SGK1: variants seen among roughly 807,000 people sequenced by gnomAD.
The protein encoded by SGK1 is serum/glucocorticoid regulated kinase 1.
Under a neutral mutation model 64.2 loss-of-function variants are expected in SGK1, and 26 were observed. The observed-to-expected ratio is 0.40, with a 90% CI of 0.30 to 0.56. The LOEUF is 0.56. SGK1 is among the 20% of genes least tolerant of loss of function. The pLI, the probability that SGK1 is intolerant of heterozygous loss-of-function variation, is 0.38. For synonymous variants in SGK1, 265 were observed against 239.7 expected (o/e 1.11, Z -0.98); for missense variants, 519 against 645.6 (o/e 0.80, Z 2.12).
chr6:134,254,471 G>A (rs990348906), intron 2 of SGK1, among the ~76,000 whole-genome samples: 1 of 152,200 alleles, frequency 6.6e-6, no homozygotes, highest in Non-Finnish European at 1.5e-5. Flanking sequence ...TCAATAGGGT[G>A]GAGTTGTACC....
chr6:134,229,830 G>T (rs1271678389), intron 2 of SGK1, among the ~76,000 whole-genome samples: 1 of 152,064 alleles, frequency 6.6e-6, no homozygotes, highest in Non-Finnish European at 1.5e-5. Context: ...CCAGGGTCAG[G>T]AATGGAAAAA....
intron 3 of SGK1, chr6:134,175,787 G>A (rs1318278560): frequency 2.2e-6 from 3 of 1,336,914 alleles, no homozygotes; most frequent in South Asian, 1.8e-5. Context: ...CAAACAAATG[G>A]CCCTTGTGCA....
chr6:134,195,196 GT>G (rs1775578060), intron 3 of SGK1, among the ~76,000 whole-genome samples: 1 of 152,174 alleles, frequency 6.6e-6, no homozygotes, highest in Non-Finnish European at 1.5e-5. Context: ...CCTGAAAATA[GT>G]TTTAAAAGAA....
intron 1 of SGK1, among the ~76,000 whole-genome samples, chr6:134,263,778 G>A (rs1776803764): frequency 6.6e-6 from 1 of 152,058 alleles, no homozygotes; most frequent in Non-Finnish European, 1.5e-5. Flanking sequence ...GAACAGGCAG[G>A]GTGAGGTGGC....
chr6:134,174,085 A>AGGG lies in SGK1; in HGVS notation c.438-8_438-6dup, dbSNP rs749659182. ...AAGATGGACTGAACTTCAGGGCTGC[A>AGGG]GGGAATAAAGGGCACGATTTAGAAT... is the stretch of plus-strand genomic sequence containing the variant. On this transcript the variant is annotated splice_region_variant and splice_polypyrimidine_tract_variant and intron_variant, in intron 4 of 13. Coordinates refer to ENST00000367858, the MANE Select transcript of SGK1 (RefSeq NM_001143676.3). The AGGG allele has an allele frequency of 7.5e-6, 12 of 1,609,208 alleles. No homozygotes were observed. The East Asian group carries it at 2.7e-4, about 36-fold the overall frequency.
chr6:134,191,680 T>A (rs896038622), intron 3 of SGK1, among the ~76,000 whole-genome samples: 1 of 151,658 alleles, frequency 6.6e-6, no homozygotes, highest in Non-Finnish European at 1.5e-5. Flanking sequence ...TTTGTTTTTT[T>A]TTTTTTGAGA....
intron 1 of SGK1, chr6:134,298,292 TG>T (rs1777393745): frequency 6.4e-7 from 1 of 1,559,478 alleles, no homozygotes; most frequent in Non-Finnish European, 8.8e-7. Context: ...ATGTTGTCCA[TG>T]TTGCTCCAAG....
chr6:134,174,859 T>A, intron 3 of SGK1: 1 of 1,611,882 alleles, frequency 6.2e-7, no homozygotes, highest in South Asian at 1.1e-5. Flanking sequence ...CGGCTCGGCG[T>A]ATGCTGCGCC....
chr6:134,273,592 C>CAAAAAAAAAAAAAAAAAAAAAA, intron 1 of SGK1, among the ~76,000 whole-genome samples: 1 of 16,222 alleles, frequency 6.2e-5, no homozygotes, highest in African/African-American at 2.1e-4. Flanking sequence ...GACTCCGTCT[C>CAAAAAAAAAAAAAAAAAAAAAA]AAAAAAAAAA....
At chr6:134,236,121 G>T (rs1261458852) in intron 2 of SGK1, among the ~76,000 whole-genome samples, 1 of 152,088 alleles carries the variant, frequency 6.6e-6, no homozygotes, top group South Asian at 2.1e-4. Context: ...ACAGTAAAGG[G>T]ATTGTAGTAT....
At chr6:134,174,820 G>A (rs762064420) in intron 3 of SGK1, 4 of 1,614,018 alleles carry the variant, frequency 2.5e-6, no homozygotes, top group South Asian at 1.1e-5. Flanking sequence ...CCACCGCGGG[G>A]AGACAGAAAG....
At chr6:134,188,214 T>G (rs1775453262) in intron 3 of SGK1, among the ~76,000 whole-genome samples, 1 of 152,144 alleles carries the variant, frequency 6.6e-6, no homozygotes. Flanking sequence ...CACAAATATC[T>G]TTACCTTTTT....
At chr6:134,234,622 A>G (rs1776335947) in intron 2 of SGK1, among the ~76,000 whole-genome samples, 1 of 152,166 alleles carries the variant, frequency 6.6e-6, no homozygotes, top group South Asian at 2.1e-4. Context: ...TCATGCCTGT[A>G]ATCCCAGTAT....
At position 134,272,597 on chromosome 6, in the gene SGK1, A is replaced by G. The variant is rs116230543; in HGVS notation, c.70-10449T>C. 6.3e-3 allele frequency among the ~76,000 whole-genome samples: 916 copies of G among 145,316 alleles called. 41 individuals are homozygous for G. The highest frequency in any genetic ancestry group is 0.021 in the African/African-American group (853 of 40,590). ...CAAAACATCCTCTTTACACCCACAA[A>G]CTCTTCCTTTTTCCCGCAGCCACCT... On this transcript the variant is annotated intron_variant, in intron 1 of 13. Coordinates refer to ENST00000367858, the MANE Select transcript of SGK1 (RefSeq NM_001143676.3).
Position 134,170,256 on chromosome 6 carries a change from C to A in SGK1, c.*12G>T. On this transcript the variant is annotated 3_prime_UTR_variant, in exon 14 of 14. Coordinates refer to ENST00000367858, the MANE Select transcript of SGK1 (RefSeq NM_001143676.3). ...ACACATAAAATCCTTTAAAACCAAG[C>A]CCTAACAGGGTTCAGAGGAAAGAGT... The A allele has an allele frequency of 3.7e-6, 6 of 1,600,610 alleles. No homozygotes were observed. Among genetic ancestry groups the A allele is most frequent in the Non-Finnish European group, 3.4e-6 (4 of 1,170,226 alleles).
intron 1 of SGK1, among the ~76,000 whole-genome samples, chr6:134,312,542 C>T (rs188351794): frequency 1.4e-4 from 21 of 152,202 alleles, no homozygotes; most frequent in Admixed American, 1.2e-3. Flanking sequence ...GAAGTCATAT[C>T]ATTTCACTTC....
intron 1 of SGK1, among the ~76,000 whole-genome samples, chr6:134,277,557 G>A (rs572250310): frequency 6.6e-6 from 1 of 152,158 alleles, no homozygotes; most frequent in East Asian, 1.9e-4. Context: ...GGTTTTTTGG[G>A]CAATGGGAGG....
chr6:134,190,578 G>A (rs376981407), intron 3 of SGK1, among the ~76,000 whole-genome samples: 9 of 152,106 alleles, frequency 5.9e-5, no homozygotes, highest in Non-Finnish European at 7.4e-5. Flanking sequence ...GAGCCACCAC[G>A]CCAAGCTTCC....
chr6:134,249,704 G>T (rs1206203531), intron 2 of SGK1, among the ~76,000 whole-genome samples: 1 of 152,198 alleles, frequency 6.6e-6, no homozygotes, highest in African/African-American at 2.4e-5. Context: ...CCAGCTGAGA[G>T]AATAAACCAA....
Sources: gnomAD v4.1 joint callset for allele counts (sites outside exome capture counted in the v4.1 genomes callset) on GRCh38, gnomAD v4.1.1 for gene constraint, MANE v1.5 for transcripts, NCBI Gene and HGNC (gene_info 2026-07-23, HGNC 2026-07-21) for gene names.